The following MAP4K4 variants were observed in gnomAD, a reference collection of about 807,000 sequenced individuals.
The protein encoded by MAP4K4 is HPK/GCK-like kinase HGK.
In MAP4K4, 38 loss-of-function variants were observed where a neutral mutation model predicts 189.6. The ratio of observed to expected loss-of-function variants is 0.20; its 90% CI spans 0.15 to 0.26. MAP4K4 has a LOEUF of 0.26. Among genes scored for constraint, MAP4K4 ranks in the 10% least tolerant of loss-of-function variants. The probability of loss-of-function intolerance (pLI) is 1.00; values close to 1 mark genes in which losing one functional copy is unlikely to be tolerated. For missense variants in MAP4K4, 1,054 were observed against 1,726.9 expected, an observed-to-expected ratio of 0.61 and a Z score of 6.91; for synonymous variants, 610 against 624.3, an observed-to-expected ratio of 0.98 and a Z score of 0.34.
intron 2 of MAP4K4, among the ~76,000 whole-genome samples, chr2:101,778,317 G>T (rs188387511): frequency 6.6e-6 from 1 of 152,210 alleles, no homozygotes; most frequent in African/African-American, 2.4e-5. Context: ...TCTCTGATTC[G>T]TGTGTCCAGC....
chr2:101,717,882 C>A (rs1446111138), intron 2 of MAP4K4, among the ~76,000 whole-genome samples: 4 of 151,854 alleles, frequency 2.6e-5, no homozygotes, highest in African/African-American at 9.7e-5. Context: ...CAATGTGCTT[C>A]AACTATTAGT....
At chr2:101,885,397 A>G (rs573871518) in intron 29 of MAP4K4, 110 bp downstream of exon 29, 4 of 618,236 alleles carry the variant, frequency 6.5e-6, no homozygotes, top group African/African-American at 3.7e-5. Flanking sequence ...TATAAAAGCT[A>G]TGTGCTAATA....
exon 15 of MAP4K4, chr2:101,859,852 C>A (rs2097582149): frequency 6.2e-7 from 1 of 1,603,318 alleles, no homozygotes; most frequent in Admixed American, 1.7e-5. Flanking sequence ...AGCCTGCTGA[C>A]CGAGCGCGAG....
intron 7 of MAP4K4, among the ~76,000 whole-genome samples, chr2:101,832,916 T>C (rs922040935): frequency 1.3e-5 from 2 of 152,106 alleles, no homozygotes; most frequent in Non-Finnish European, 1.5e-5. Flanking sequence ...TTGTTTCCTG[T>C]AAACTGGAAA....
intron 2 of MAP4K4, among the ~76,000 whole-genome samples, chr2:101,777,116 G>T (rs1050524054): frequency 6.6e-6 from 1 of 152,098 alleles, no homozygotes; most frequent in Non-Finnish European, 1.5e-5. Flanking sequence ...TGTGAGTTCC[G>T]CTTGAAAAGT....
At chr2:101,834,209 C>T (rs1404799806) in intron 7 of MAP4K4, among the ~76,000 whole-genome samples, 200 bp from the exon 8 acceptor site, 2 of 133,734 alleles carry the variant, frequency 1.5e-5, no homozygotes, top group African/African-American at 2.8e-5. Context: ...TCCATCCCTC[C>T]ATCCCTCCAT....
intron 24 of MAP4K4, 54 bp from the exon 25 acceptor site, chr2:101,873,593 A>AT: frequency 2.2e-6 from 2 of 918,206 alleles, no homozygotes. Context: ...TGTATTTTTA[A>AT]TGTTCATTTT....
In MAP4K4 at chr2:101,871,489, TAC is replaced by T. The variant is rs1290968254; in HGVS notation, c.2761-3_2761-2del. The T allele has an allele frequency of 6.5e-7, 1 of 1,527,636 alleles. No individual in the cohort carries two copies. Among genetic ancestry groups the T allele is most frequent in the South Asian group, 1.2e-5 (1 of 83,394 alleles). 94.6% of individuals were successfully genotyped at this position (1,527,636 alleles called of 1,614,324 possible). On this transcript the variant is annotated splice_region_variant and splice_polypyrimidine_tract_variant and intron_variant, in intron 23 of 32. Coordinates refer to ENST00000324219, the Ensembl canonical transcript of MAP4K4. The stretch of plus-strand genomic sequence containing the variant: ...GCGAGACAAGTGTGCCTGTTTTTTC[TAC>T]AGAGTACAGTTGACCAAAAGCGTGC...
At chr2:101,706,185 T>G (rs1161332191) in intron 2 of MAP4K4, among the ~76,000 whole-genome samples, 1 of 152,194 alleles carries the variant, frequency 6.6e-6, no homozygotes, top group African/African-American at 2.4e-5. Context: ...CATCTGAAAT[T>G]TATTGCTATA....
chr2:101,848,773 G>T (rs1055070637), intron 12 of MAP4K4, among the ~76,000 whole-genome samples: 1 of 152,028 alleles, frequency 6.6e-6, no homozygotes, highest in Non-Finnish European at 1.5e-5. Context: ...TGCTGGTATC[G>T]CCCTCCTTTG....
chr2:101,840,444 C>T (rs781504672), intron 10 of MAP4K4, among the ~76,000 whole-genome samples: 3 of 152,186 alleles, frequency 2.0e-5, no homozygotes, highest in Non-Finnish European at 4.4e-5. Context: ...GGGCCACATG[C>T]ATAGTCAGAT....
At chr2:101,828,424 T>G (rs2096458289) in intron 5 of MAP4K4, among the ~76,000 whole-genome samples, 1 of 152,216 alleles carries the variant, frequency 6.6e-6, no homozygotes, top group Admixed American at 6.5e-5. Flanking sequence ...TTTTAGTGCT[T>G]TTTTCTCTAG....
At chr2:101,771,336 AT>A (rs1475895754) in intron 2 of MAP4K4, among the ~76,000 whole-genome samples, 4 of 152,144 alleles carry the variant, frequency 2.6e-5, no homozygotes, top group African/African-American at 9.7e-5. Context: ...CCAGGGAGAA[AT>A]TTGCTTAGAC....
chr2:101,867,941 TC>T, intron 20 of MAP4K4, 87 bp from the exon 21 acceptor site: 2 of 1,274,170 alleles, frequency 1.6e-6, no homozygotes, highest in Non-Finnish European at 2.3e-6. Context: ...CTTCTCCCTC[TC>T]CCCTTCTTTC....
intron 28 of MAP4K4, among the ~76,000 whole-genome samples, chr2:101,884,661 C>T (rs1009406565): frequency 6.6e-6 from 1 of 152,182 alleles, no homozygotes; most frequent in Non-Finnish European, 1.5e-5. Flanking sequence ...TTTACTACTT[C>T]TGTAGATCAG....
intron 2 of MAP4K4, among the ~76,000 whole-genome samples, chr2:101,779,420 T>C (rs1390434088): frequency 5.9e-5 from 9 of 152,212 alleles, no homozygotes; most frequent in Admixed American, 5.2e-4. Context: ...TGTTTACTTA[T>C]TCATGGTCTT....
chr2:101,885,046 CTCTG>C, intron 28 of MAP4K4, 137 bp from the exon 29 acceptor site: 2 of 476,720 alleles, frequency 4.2e-6, no homozygotes, highest in Non-Finnish European at 7.6e-6. Flanking sequence ...TGATCTCTCT[CTCTG>C]AATTTTTCCC....
At chr2:101,732,911 G>A (rs960895219) in intron 2 of MAP4K4, among the ~76,000 whole-genome samples, 11 of 152,330 alleles carry the variant, frequency 7.2e-5, no homozygotes, top group Non-Finnish European at 2.9e-5. Context: ...TTTAAGTGCC[G>A]GTGGATTTGG....
In MAP4K4 at chr2:101,859,858, G is replaced by A. The variant is rs367609543; in HGVS notation, c.1698G>A (p.Ala566=). 53 of 1,598,844 alleles carry A rather than the reference G, an allele frequency of 3.3e-5. No homozygotes were observed. In the Middle Eastern group the frequency reaches 4.9e-4, roughly 15 times the overall value. ...CCCACTACGAGCCTGCTGACCGAGCGCGAGAGGTATCCTCTTTCCTTTGTC... is the reference window on the plus strand; with the variant it reads ...CCCACTACGAGCCTGCTGACCGAGCACGAGAGGTATCCTCTTTCCTTTGTC... Residue 566 remains alanine, a synonymous_variant, in exon 15 of 33, where the codon GCG becomes GCA. Transcript: ENST00000324219.
Sources: gnomAD v4.1 joint callset for allele counts (sites outside exome capture counted in the v4.1 genomes callset) on GRCh38, gnomAD v4.1.1 for gene constraint, MANE v1.5 for transcripts, NCBI Gene and HGNC (gene_info 2026-07-23, HGNC 2026-07-21) for gene names.